The following KAT5 variants were observed in gnomAD, a reference collection of about 807,000 sequenced individuals.
KAT5 encodes the protein lysine acetyltransferase 5.
In KAT5, 31 loss-of-function variants were observed where a neutral mutation model predicts 68.1. The ratio of observed to expected loss-of-function variants is 0.46; its 90% CI spans 0.34 to 0.61. The LOEUF is 0.61. Ranked by LOEUF, KAT5 falls within the 20% of genes least tolerant of loss-of-function variation. The pLI is 0.01. For missense variants in KAT5, 451 were observed against 725.5 expected (o/e 0.62, Z 4.35); for synonymous variants, 365 against 292.6 (o/e 1.25, Z -2.52).
Position 65,719,306 on chromosome 11 carries a change from G to C in KAT5, c.*125G>C. 8.2e-7 allele frequency: 1 copy of C among 1,224,346 alleles called. No individual in the cohort carries two copies. The highest frequency in any genetic ancestry group is 1.1e-6 in the Non-Finnish European group (1 of 889,852). The allele number at this position is 1,224,346 out of a possible 1,614,324, so 75.8% of individuals were successfully genotyped here. ...GGGGCTGAGGACAGCTCAAAAAGGA[G>C]AGGACAGGCCTGGCAGGGGCCCACT... On this transcript the variant is annotated 3_prime_UTR_variant, in exon 13 of 13. Transcript: ENST00000341318.
chr11:65,712,307 A>G lies in KAT5; in HGVS notation c.40A>G (p.Arg14Gly). The G allele has an allele frequency of 6.8e-7, 1 of 1,463,252 alleles. No homozygotes were observed. Among genetic ancestry groups the G allele is most frequent in the Non-Finnish European group, 9.0e-7 (1 of 1,111,052 alleles). 90.6% of individuals were successfully genotyped at this position (1,463,252 alleles called of 1,614,324 possible). ...GAGTCCGGTGCCCGGGGCGGGGCGG[A>G]GGGAGCCAGGGGAGGTGGGTAGAGC... ...VVSPVPGAGRREPGEVGRARG... is the reference protein window; with the variant it reads ...VVSPVPGAGRGEPGEVGRARG... Residue 14 changes from arginine (R) to glycine (G), a missense_variant, in exon 1 of 13, where the codon AGG (arginine) becomes GGG (glycine). Coordinates refer to ENST00000341318, the MANE Select transcript of KAT5 (RefSeq NM_182710.3).
chr11:65,712,725 G>T (rs370183972), intron 1 of KAT5, 41 bp from the exon 2 acceptor site: 2 of 1,608,918 alleles, frequency 1.2e-6, no homozygotes, highest in African/African-American at 1.3e-5. Flanking sequence ...GAGTCTCATA[G>T]CCTGGCCTGT....
Position 65,716,681 on chromosome 11 carries a change from C to T in KAT5, c.1044C>T (p.Asn348=), listed in dbSNP as rs376820640. 3.3e-5 allele frequency: 54 copies of T among 1,613,958 alleles called. No individual in the cohort carries two copies. Among genetic ancestry groups the T allele is most frequent in the Non-Finnish European group, 4.2e-5 (49 of 1,180,002 alleles). ...DGRKNKSYSQ[N]LCLLAKCFLD... is the part of the protein sequence containing the mutation. ...TTCTCTTGCAGAGTTATTCCCAGAA[C>T]CTGTGTCTTTTGGCCAAGTGTTTCC... The change falls in exon 9 of 13, where the codon AAC becomes AAT. Residue 348 remains asparagine (N), a synonymous_variant. Coordinates refer to ENST00000341318, the MANE Select transcript of KAT5 (RefSeq NM_182710.3).
chr11:65,712,216 C>A, upstream of KAT5: 4 of 1,390,534 alleles, frequency 2.9e-6, 1 homozygote, highest in Non-Finnish European at 3.7e-6. Context: ...GCGCTCGGTC[C>A]CGGAAGTGAC....
In KAT5 at chr11:65,712,952, A is replaced by T. The variant is rs940297932; in HGVS notation, c.278A>T (p.His93Leu). The change falls in exon 3 of 13, where the codon CAT becomes CTT. Residue 93 changes from histidine to leucine, a missense_variant. His to Leu is a moderately conservative substitution (Grantham distance 99). Coordinates refer to ENST00000341318, the MANE Select transcript of KAT5 (RefSeq NM_182710.3). The stretch of plus-strand genomic sequence containing the variant: ...AAACGTCTGGATGAATGGGTGACGC[A>T]TGAGCGGCTGGACCTAAAGAAGATC... ...FNKRLDEWVT[H>L]ERLDLKKIQF... 1.2e-6 allele frequency: 2 copies of T among 1,614,046 alleles called. No individual in the cohort carries two copies. Among genetic ancestry groups the T allele is most frequent in the Non-Finnish European group, 1.7e-6 (2 of 1,180,044 alleles).
In KAT5 at chr11:65,714,920, T is replaced by C. The variant is rs1225707006; in HGVS notation, c.1029+10T>C. The C allele has an allele frequency of 3.7e-6, 6 of 1,607,550 alleles. No homozygotes were observed. The highest frequency in any genetic ancestry group is 1.7e-5 in the Admixed American group (1 of 59,994). On this transcript the variant is annotated intron_variant, in intron 8 of 12. Coordinates refer to ENST00000341318, the MANE Select transcript of KAT5 (RefSeq NM_182710.3). ...TGGACGTAAGAACAAGGTTAGTGCT[T>C]GAGAGGCAGTGAGGCGCTGGGGTGA... is the stretch of plus-strand genomic sequence containing the variant.
chr11:65,716,337 T>C (rs1857194166), intron 8 of KAT5: 1 of 287,364 alleles, frequency 3.5e-6, no homozygotes, highest in Admixed American at 4.6e-5. Flanking sequence ...CATTAGTTCG[T>C]TGGCTGCTGT....
chr11:65,718,702 G>T lies in KAT5; in HGVS notation c.1377G>T (p.Leu459=). 6.2e-7 allele frequency: 1 copy of T among 1,614,214 alleles called. No individual in the cohort carries two copies. The highest frequency in any genetic ancestry group is 2.2e-5 in the East Asian group (1 of 44,884). The stretch of plus-strand genomic sequence containing the variant: ...GGTCCCAGACCATCCTGGAGATCCT[G>T]ATGGGGCTGAAGTCGGAGAGCGGGG... ...SYWSQTILEI[L]MGLKSESGER... is the part of the protein sequence containing the mutation. Residue 459 remains leucine, a synonymous_variant, in exon 11 of 13, where the codon CTG becomes CTT. Coordinates refer to ENST00000341318, the MANE Select transcript of KAT5 (RefSeq NM_182710.3).
chr11:65,716,435 A>G, intron 8 of KAT5: 1 of 557,822 alleles, frequency 1.8e-6, no homozygotes, highest in South Asian at 2.2e-5. Context: ...CTGACTGAGC[A>G]GGGAGGCACT....
intron 8 of KAT5, among the ~76,000 whole-genome samples, chr11:65,715,657 A>T (rs1385799544): frequency 1.3e-5 from 2 of 152,146 alleles, no homozygotes; most frequent in Non-Finnish European, 2.9e-5. Context: ...GCTACTCGGG[A>T]GGCTGAGGCA....
intron 6 of KAT5, chr11:65,714,289 C>T (rs967400668): frequency 1.6e-6 from 1 of 614,240 alleles, no homozygotes; most frequent in Non-Finnish European, 2.8e-6. Context: ...ACTGAGACTC[C>T]ATCTAAAAAA....
chr11:65,718,660 A>G lies in KAT5; in HGVS notation c.1335A>G (p.Leu445=). Residue 445 remains leucine, a synonymous_variant, in exon 11 of 13, where the codon CTA becomes CTG. Coordinates refer to ENST00000341318, the MANE Select transcript of KAT5 (RefSeq NM_182710.3). ...PEKPLSDLGL[L]SYRSYWSQTI... Reference sequence around the variant, plus strand: ...AGCCCCTCTCAGACCTTGGCCTCCTATCCTATCGAAGCTACTGGTCCCAGA... The same window carrying G: ...AGCCCCTCTCAGACCTTGGCCTCCTGTCCTATCGAAGCTACTGGTCCCAGA... The G allele has an allele frequency of 6.2e-7, 1 of 1,614,158 alleles. No individual in the cohort carries two copies. The highest frequency in any genetic ancestry group is 1.1e-5 in the South Asian group (1 of 91,078).
At position 65,719,349 on chromosome 11, in the gene KAT5, C is replaced by T. The variant is rs1032708511; in HGVS notation, c.*168C>T. The T allele has an allele frequency of 2.3e-5, 20 of 852,240 alleles. No individual in the cohort carries two copies. Among genetic ancestry groups the T allele is most frequent in the Non-Finnish European group, 3.2e-5 (18 of 566,374 alleles). The allele number at this position is 852,240 out of a possible 1,614,324, so 52.8% of individuals were successfully genotyped here. On this transcript the variant is annotated 3_prime_UTR_variant, in exon 13 of 13. Coordinates refer to ENST00000341318, the MANE Select transcript of KAT5 (RefSeq NM_182710.3). ...GGCCCACTGGTGCCCAGCACCAAGGCGAGCTCCGGGCTCAGACCAACTCCA... is the reference window on the plus strand; with the variant it reads ...GGCCCACTGGTGCCCAGCACCAAGGTGAGCTCCGGGCTCAGACCAACTCCA...
chr11:65,714,993 C>A, intron 8 of KAT5, 83 bp downstream of exon 8: 1 of 1,218,620 alleles, frequency 8.2e-7, no homozygotes, highest in Non-Finnish European at 1.2e-6. Context: ...ACCAGTCAAG[C>A]CAGCAGATCA....
chr11:65,717,542 C>G (rs1857240856), intron 10 of KAT5: 2 of 162,970 alleles, frequency 1.2e-5, no homozygotes, highest in Admixed American at 1.1e-4. Flanking sequence ...TTCCCAGCCT[C>G]TTACTCCCCA....
At chr11:65,712,119 A>T (rs4645911), upstream of KAT5, 189 of 687,542 alleles carry the variant, frequency 2.7e-4, 1 homozygote, top group East Asian at 5.3e-3. Flanking sequence ...CCCGAGTCAC[A>T]GGGGCAGTCT....
chr11:65,714,958 C>A, intron 8 of KAT5, 48 bp downstream of exon 8: 1 of 1,509,202 alleles, frequency 6.6e-7, no homozygotes, highest in South Asian at 1.1e-5. Context: ...CAAATGACAG[C>A]TTCTTCTTGC....
At position 65,713,065 on chromosome 11, in the gene KAT5, A is replaced by T; in HGVS notation, c.384+7A>T. ...CTCTCCAGAGAGAGAGGTGGTGAGT[A>T]GGTCCCCCACTTCACCTTTTCTCTC... On this transcript the variant is annotated splice_region_variant and intron_variant, in intron 3 of 12. Transcript: ENST00000341318. 6 of 1,612,488 alleles carry T rather than the reference A, an allele frequency of 3.7e-6. No individual in the cohort carries two copies. The highest frequency in any genetic ancestry group is 5.1e-6 in the Non-Finnish European group (6 of 1,179,940).
Position 65,712,366 on chromosome 11 carries a change from G to GC in KAT5, c.100dup (p.Leu34ProfsTer25), listed in dbSNP as rs1480380612. Reference sequence around the variant, plus strand: ...CCCCAGTAGCCGACCCTGGCGTCGCGCTGTCTCCCCAGGGGGAGATAATCG... The same window carrying GC: ...CCCCAGTAGCCGACCCTGGCGTCGCGCCTGTCTCCCCAGGGGGAGATAATCG... On this transcript the variant is annotated frameshift_variant, in exon 1 of 13. Transcript: ENST00000341318. LOFTEE classifies it high-confidence loss of function. 2 of 1,543,664 alleles carry GC rather than the reference G, an allele frequency of 1.3e-6. No individual in the cohort carries two copies. The highest frequency in any genetic ancestry group is 2.8e-5 in the African/African-American group (2 of 70,440).
Sources: allele counts gnomAD v4.1 joint callset (sites outside exome capture counted in the v4.1 genomes callset), GRCh38; gene constraint gnomAD v4.1.1; transcripts MANE v1.5; gene names NCBI Gene and HGNC (gene_info 2026-07-23, HGNC 2026-07-21).